Variants in ARMC6 observed in about 807,000 individuals in gnomAD.
ARMC6 encodes the protein armadillo repeat-containing protein 6.
ARMC6 carries 43 observed loss-of-function variants against 49.2 expected under a neutral mutation model. The ratio of observed to expected loss-of-function variants is 0.87; its 90% CI spans 0.69 to 1.13. ARMC6 has a LOEUF of 1.13. ARMC6 is among the 50% of genes most tolerant of loss of function. The pLI, the probability that ARMC6 is intolerant of heterozygous loss-of-function variation, is 0.00. For synonymous variants in ARMC6, 262 were observed against 289.6 expected, an observed-to-expected ratio of 0.90 and a Z score of 0.97; for missense variants, 627 against 682.0, an observed-to-expected ratio of 0.92 and a Z score of 0.90.
At chr19:19,047,377 C>G (rs1296930727) in intron 4 of ARMC6, among the ~76,000 whole-genome samples, 2 of 152,042 alleles carry the variant, frequency 1.3e-5, no homozygotes, top group African/African-American at 2.4e-5. Context: ...GAAAAAAATT[C>G]AACATTGTGA....
At chr19:19,049,258 G>A (rs2145867765) in intron 4 of ARMC6, among the ~76,000 whole-genome samples, 1 of 152,014 alleles carries the variant, frequency 6.6e-6, no homozygotes, top group Middle Eastern at 3.4e-3. Flanking sequence ...TTACCACGTT[G>A]CCCAGGCTGG....
In ARMC6 at chr19:19,052,067, CCTG is replaced by C. The variant is rs755230763; in HGVS notation, c.729_731del (p.Cys243del). 1 of 1,613,968 alleles carries C rather than the reference CCTG, an allele frequency of 6.2e-7. No homozygotes were observed. Among genetic ancestry groups the C allele is most frequent in the Non-Finnish European group, 8.5e-7 (1 of 1,180,050 alleles). ...CACCACACTGACGTGGTCAGGGAAG[CCTG>C]CTGGGCCCTGCGTGTCATGACCTTC... is the stretch of plus-strand genomic sequence containing the variant. On this transcript the variant is annotated inframe_deletion, in exon 5 of 9. Transcript: ENST00000535612.
At chr19:19,056,087 A>G (rs1240346899) in intron 8 of ARMC6, 159 bp downstream of exon 8, 1 of 757,932 alleles carries the variant, frequency 1.3e-6, no homozygotes, top group Non-Finnish European at 1.9e-6. Flanking sequence ...GCCGAGCCCC[A>G]TAGGGCCAAC....
Position 19,055,163 on chromosome 19 carries a change from T to C in ARMC6, c.1024-102T>C. On this transcript the variant is annotated intron_variant, in intron 6 of 8. Transcript: ENST00000535612. The surrounding 1 kb of genome is among the most constrained non-coding windows in gnomAD (Gnocchi z 5.7). ...TTAGTCACACCCTGCAGTCACACCA[T>C]ACCTGTTGGTCAAACAGCAAAACAG... is the stretch of plus-strand genomic sequence containing the variant. The C allele has an allele frequency of 1.4e-6, 2 of 1,439,840 alleles. No homozygotes were observed. The highest frequency in any genetic ancestry group is 2.9e-5 in the African/African-American group (2 of 69,664). 89.2% of individuals were successfully genotyped at this position (1,439,840 alleles called of 1,614,324 possible).
intron 5 of ARMC6, among the ~76,000 whole-genome samples, chr19:19,053,733 T>C (rs1454898722): frequency 6.6e-6 from 1 of 152,126 alleles, no homozygotes; most frequent in Non-Finnish European, 1.5e-5. Flanking sequence ...CTGTGTTCAG[T>C]TTTGGCCACG....
At chr19:19,037,487 C>G (rs2059380167) in intron 2 of ARMC6, 1 of 419,244 alleles carries the variant, frequency 2.4e-6, no homozygotes, top group Non-Finnish European at 4.5e-6. Context: ...CCACCTCAGC[C>G]TCCCAAATAG....
intron 6 of ARMC6, among the ~76,000 whole-genome samples, chr19:19,054,703 C>A (rs4808911): frequency 6.6e-6 from 1 of 152,006 alleles, no homozygotes; most frequent in African/African-American, 2.4e-5. Flanking sequence ...AGCAGGGAGC[C>A]AATCAACAGG....
intron 2 of ARMC6, among the ~76,000 whole-genome samples, chr19:19,036,611 C>T (rs1196994565): frequency 1.3e-5 from 2 of 152,166 alleles, no homozygotes; most frequent in Non-Finnish European, 2.9e-5. Context: ...TATTACTCTT[C>T]CTTCACCTTT....
intron 4 of ARMC6, 104 bp downstream of exon 4, chr19:19,044,178 C>T: frequency 8.4e-7 from 1 of 1,196,754 alleles, no homozygotes; most frequent in Non-Finnish European, 1.2e-6. Context: ...AGGTCATGCC[C>T]TCCCCAGCAT....
intron 1 of ARMC6, 48 bp from the exon 2 acceptor site, chr19:19,034,083 C>G: frequency 1.5e-6 from 1 of 678,406 alleles, no homozygotes; most frequent in Non-Finnish European, 2.5e-6. Context: ...AAATCCTCGG[C>G]TTCCCTGGCA....
At chr19:19,040,699 A>G (rs1599634682) in intron 2 of ARMC6, 1 of 379,684 alleles carries the variant, frequency 2.6e-6, no homozygotes. Context: ...GCCAGGCTGG[A>G]GTGCAATGGC....
intron 2 of ARMC6, among the ~76,000 whole-genome samples, chr19:19,034,656 T>C (rs1439926411): frequency 6.6e-6 from 1 of 152,168 alleles, no homozygotes; most frequent in Non-Finnish European, 1.5e-5. Context: ...TGGCATGATC[T>C]TGACTCACTG....
At position 19,055,991 on chromosome 19, in the gene ARMC6, G is replaced by A; in HGVS notation, c.1293+63G>A. On this transcript the variant is annotated intron_variant, in intron 8 of 8. Coordinates refer to ENST00000535612, the MANE Select transcript of ARMC6 (RefSeq NM_001199196.2). This position sits in a 1 kb window ranked among gnomAD's most constrained non-coding sequence, Gnocchi z 5.7. ...TGGGATGTGCAGGTAGGTGCAGAGA[G>A]GGCATGGGAGCAGGTGCGGTGTGCG... is the stretch of plus-strand genomic sequence containing the variant. 1 of 1,541,876 alleles carries A rather than the reference G, an allele frequency of 6.5e-7. No homozygotes were observed. The highest frequency in any genetic ancestry group is 1.8e-5 in the Admixed American group (1 of 54,400).
intron 4 of ARMC6, 27 bp downstream of exon 4, chr19:19,044,101 G>A: frequency 1.3e-6 from 2 of 1,599,654 alleles, no homozygotes; most frequent in Non-Finnish European, 8.6e-7. Context: ...CACACAGCAG[G>A]TCCTGCGTCA....
chr19:19,033,663 C>G lies in ARMC6; in HGVS notation c.-347C>G. On this transcript the variant is annotated 5_prime_UTR_variant, in exon 1 of 9. Transcript: ENST00000535612. ...TTCTTCTGGGCGGACGCTCTGGAGGCAAAACATTTCCCTGCTGGGGGCGGC... is the reference window on the plus strand; with the variant it reads ...TTCTTCTGGGCGGACGCTCTGGAGGGAAAACATTTCCCTGCTGGGGGCGGC... 1.5e-6 allele frequency: 1 copy of G among 686,340 alleles called. No homozygotes were observed. The highest frequency in any genetic ancestry group is 1.9e-6 in the Non-Finnish European group (1 of 515,418). 42.5% of individuals were successfully genotyped at this position (686,340 alleles called of 1,614,324 possible).
intron 4 of ARMC6, among the ~76,000 whole-genome samples, chr19:19,045,177 A>AT (rs1464616222): frequency 6.6e-6 from 1 of 151,818 alleles, no homozygotes; most frequent in Non-Finnish European, 1.5e-5. Context: ...CACCTGACTA[A>AT]TTTTTTTGTG....
At chr19:19,041,418 G>A (rs1213783621) in intron 2 of ARMC6, among the ~76,000 whole-genome samples, 1 of 151,452 alleles carries the variant, frequency 6.6e-6, no homozygotes, top group Non-Finnish European at 1.5e-5. Flanking sequence ...GTGCAATCTC[G>A]GCTCACTGCA....
intron 2 of ARMC6, among the ~76,000 whole-genome samples, chr19:19,035,928 G>T (rs2059362697): frequency 6.6e-6 from 1 of 152,184 alleles, no homozygotes; most frequent in Admixed American, 6.6e-5. Flanking sequence ...CACAGGTAGA[G>T]ACAAATGATT....
chr19:19,034,439 G>A (rs2059323027), intron 2 of ARMC6, among the ~76,000 whole-genome samples: 1 of 152,144 alleles, frequency 6.6e-6, no homozygotes, highest in African/African-American at 2.4e-5. Flanking sequence ...CCACTACCGG[G>A]CTTTGAGCAC....
Sources: allele counts gnomAD v4.1 joint callset (sites outside exome capture counted in the v4.1 genomes callset), GRCh38; gene constraint gnomAD v4.1.1; non-coding constraint Gnocchi (gnomAD v3.1); transcripts MANE v1.5; gene names NCBI Gene and HGNC (gene_info 2026-07-23, HGNC 2026-07-21).